Variants in C20orf173 observed in about 807,000 individuals in gnomAD.
C20orf173 encodes chromosome 20 open reading frame 173, also known as uncharacterized protein C20orf173.
A neutral mutation model predicts 26.7 loss-of-function variants in C20orf173; 22 were observed. The ratio of observed to expected loss-of-function variants is 0.82; its 90% CI spans 0.59 to 1.18. The LOEUF (loss-of-function observed/expected upper bound fraction) is 1.18. Ranked by LOEUF, C20orf173 falls within the 50% of genes most tolerant of loss-of-function variation. The probability of loss-of-function intolerance (pLI) is 0.00; values close to 1 mark genes in which losing one functional copy is unlikely to be tolerated. For synonymous variants in C20orf173, 85 were observed against 96.4 expected, an observed-to-expected ratio of 0.88 and a Z score of 0.69; for missense variants, 210 against 250.3, an observed-to-expected ratio of 0.84 and a Z score of 1.09.
downstream of C20orf173, among the ~76,000 whole-genome samples, chr20:35,524,995 G>A (rs1239874875): frequency 6.6e-5 from 10 of 151,678 alleles, no homozygotes; most frequent in Non-Finnish European, 1.0e-4. Flanking sequence ...CACTGTGCCC[G>A]GCCTTTTGTT....
At chr20:35,521,545 C>A (rs2064475076), downstream of C20orf173, among the ~76,000 whole-genome samples, 1 of 151,268 alleles carries the variant, frequency 6.6e-6, no homozygotes, top group Non-Finnish European at 1.5e-5. Flanking sequence ...GGGGTCAGAT[C>A]ATGTAGGGTG....
chr20:35,523,052 C>T (rs2064484160), downstream of C20orf173: 1 of 152,418 alleles, frequency 6.6e-6, no homozygotes, highest in Admixed American at 6.6e-5. Flanking sequence ...ATCTTGTGGC[C>T]TCTGTAGGGG....
chr20:35,526,768 AAAC>A (rs1024405125), downstream of C20orf173, among the ~76,000 whole-genome samples: 3 of 145,046 alleles, frequency 2.1e-5, no homozygotes, highest in Non-Finnish European at 1.5e-5. Flanking sequence ...GGCATGGGTG[AAAC>A]AAGGAGGTTT....
At chr20:35,528,029 G>A (rs2064515863) in intron 5 of C20orf173, among the ~76,000 whole-genome samples, 1 of 152,126 alleles carries the variant, frequency 6.6e-6, no homozygotes, top group African/African-American at 2.4e-5. Flanking sequence ...AATTTTAAGA[G>A]AAGAAGATAC....
intron 5 of C20orf173, among the ~76,000 whole-genome samples, chr20:35,527,599 AG>A (rs1241401345): frequency 6.8e-6 from 1 of 146,836 alleles, no homozygotes; most frequent in Non-Finnish European, 1.5e-5. Context: ...ACAGGAGGCA[AG>A]GGGAGGAGTC....
At chr20:35,524,923 T>C (rs2064494941), downstream of C20orf173, among the ~76,000 whole-genome samples, 1 of 151,908 alleles carries the variant, frequency 6.6e-6, no homozygotes, top group Non-Finnish European at 1.5e-5. Flanking sequence ...GGTCTCGAAC[T>C]CCTGACCTCA....
chr20:35,528,308 G>A (rs2064518707), intron 4 of C20orf173, 24 bp from the exon 5 acceptor site: 3 of 1,551,856 alleles, frequency 1.9e-6, no homozygotes, highest in Non-Finnish European at 2.6e-6. Context: ...GGAGGTGGGG[G>A]AGTTTGGGCC....
downstream of C20orf173, among the ~76,000 whole-genome samples, chr20:35,525,907 A>C (rs1281368614): frequency 6.6e-6 from 1 of 152,208 alleles, no homozygotes; most frequent in Admixed American, 6.5e-5. Context: ...TTCCAGGCAC[A>C]AGCAGTCCTC....
Position 35,528,531 on chromosome 20 carries a change from G to A in C20orf173, c.502C>T (p.Gln168Ter), listed in dbSNP as rs1365749683. 6.4e-7 allele frequency: 1 copy of A among 1,551,586 alleles called. No individual in the cohort carries two copies. The highest frequency in any genetic ancestry group is 1.2e-5 in the South Asian group (1 of 84,064). The change falls in exon 4 of 6, where the codon CAG becomes TAG. Residue 168 changes from glutamine (Q) to a stop codon, truncating the protein, a stop_gained. Coordinates refer to ENST00000444723, the MANE Select transcript of C20orf173 (RefSeq NM_001145350.2). LOFTEE classifies it high-confidence loss of function. ...YPVVFRNASD[Q>*]GSWMQLEMLL... ...ATCTCCAGCTGCATCCAGGAGCCCT[G>A]GTCGCTGGCATTCCTGGGATAGATG...
At chr20:35,525,274 G>A (rs1434644295), downstream of C20orf173, among the ~76,000 whole-genome samples, 3 of 151,982 alleles carry the variant, frequency 2.0e-5, no homozygotes, top group Non-Finnish European at 2.9e-5. Flanking sequence ...GAAATTGGCC[G>A]GGCGTGATGA....
downstream of C20orf173, among the ~76,000 whole-genome samples, chr20:35,525,110 T>A (rs1220339200): frequency 1.4e-5 from 2 of 146,044 alleles, no homozygotes; most frequent in African/African-American, 2.5e-5. Context: ...TGTGTTACTT[T>A]AAAAAAAAAA....
At position 35,529,053 on chromosome 20, in the gene C20orf173, T is replaced by A. The variant is rs887680555; in HGVS notation, c.309+12A>T. On this transcript the variant is annotated intron_variant, in intron 2 of 5. Coordinates refer to ENST00000444723, the MANE Select transcript of C20orf173 (RefSeq NM_001145350.2). Reference sequence around the variant, plus strand: ...ATGGGGGATATGGCCGGGCCCAGTGTTGACCACTGACCAACCACCAGAGCA... The same window carrying A: ...ATGGGGGATATGGCCGGGCCCAGTGATGACCACTGACCAACCACCAGAGCA... 3 of 1,547,446 alleles carry A rather than the reference T, an allele frequency of 1.9e-6. No homozygotes were observed. The highest frequency in any genetic ancestry group is 1.7e-4 in the Middle Eastern group (1 of 6,000).
chr20:35,525,331 C>T (rs547147738), downstream of C20orf173, among the ~76,000 whole-genome samples: 1 of 152,092 alleles, frequency 6.6e-6, no homozygotes, highest in Non-Finnish European at 1.5e-5. Flanking sequence ...GCAGGCAGGT[C>T]ACTTGAGGCC....
chr20:35,529,652 T>TG (rs1219005249), upstream of C20orf173: 4 of 452,692 alleles, frequency 8.8e-6, no homozygotes, highest in Non-Finnish European at 1.6e-5. Context: ...AATACCTCAG[T>TG]GGGGGCCTTG....
chr20:35,522,180 G>T (rs373406997), downstream of C20orf173: 4 of 152,732 alleles, frequency 2.6e-5, no homozygotes, highest in East Asian at 7.7e-4. Context: ...TTCCTTCCTG[G>T]GACCCTCACC....
intron 3 of C20orf173, 46 bp from the exon 4 acceptor site, chr20:35,528,590 T>C (rs900078019): frequency 6.5e-7 from 1 of 1,548,944 alleles, no homozygotes; most frequent in East Asian, 2.4e-5. Context: ...CCCACGTCCA[T>C]CTCAAAGCCC....
At chr20:35,525,032 G>A (rs1364404223), downstream of C20orf173, among the ~76,000 whole-genome samples, 1 of 151,266 alleles carries the variant, frequency 6.6e-6, no homozygotes, top group African/African-American at 2.4e-5. Flanking sequence ...GAAAGGGTGT[G>A]TAGGAGATAA....
At chr20:35,524,002 ACTTTTT>A (rs1012621583), downstream of C20orf173, among the ~76,000 whole-genome samples, 10 of 151,936 alleles carry the variant, frequency 6.6e-5, no homozygotes, top group African/African-American at 2.2e-4. Flanking sequence ...TCAGGGGTCG[ACTTTTT>A]CTTTTTAAGA....
downstream of C20orf173, among the ~76,000 whole-genome samples, chr20:35,525,070 C>T (rs141797239): frequency 4.5e-4 from 68 of 150,864 alleles, 1 homozygote; most frequent in African/African-American, 1.5e-3. Context: ...TGTCTAGAAA[C>T]GCCATTATTC....
Sources: allele counts gnomAD v4.1 joint callset (sites outside exome capture counted in the v4.1 genomes callset), GRCh38; gene constraint gnomAD v4.1.1; transcripts MANE v1.5; gene names NCBI Gene and HGNC (gene_info 2026-07-23, HGNC 2026-07-21).